AGTR1: variants seen among roughly 807,000 people sequenced by gnomAD.
AGTR1 encodes the protein type-1 angiotensin II receptor.
AGTR1 carries 16 observed loss-of-function variants against 19.4 expected under a neutral mutation model. The observed-to-expected ratio is 0.82, with a 90% confidence interval of 0.56 to 1.25. The LOEUF (loss-of-function observed/expected upper bound fraction) is 1.25, where lower values mean the gene tolerates loss of function less well. Ranked by LOEUF, AGTR1 falls within the 50% of genes most tolerant of loss-of-function variation. AGTR1 has a pLI of 0.00. For missense variants in AGTR1, 373 were observed against 431.9 expected (o/e 0.86, Z 1.21); for synonymous variants, 153 against 154.9 (o/e 0.99, Z 0.09).
intron 2 of AGTR1, among the ~76,000 whole-genome samples, chr3:148,710,537 T>TA (rs1210155075): frequency 2.6e-5 from 4 of 152,188 alleles, no homozygotes; most frequent in African/African-American, 9.6e-5. Flanking sequence ...TTACCTTCTG[T>TA]AAAATTCTGT....
At chr3:148,717,756 C>A (rs1196720490) in intron 2 of AGTR1, among the ~76,000 whole-genome samples, 1 of 152,182 alleles carries the variant, frequency 6.6e-6, no homozygotes, top group Admixed American at 6.5e-5. Flanking sequence ...TGAAGAAAAA[C>A]TTAATTACTT....
chr3:148,730,456 T>G (rs1475577436), intron 2 of AGTR1: 3 of 365,278 alleles, frequency 8.2e-6, no homozygotes, highest in Non-Finnish European at 9.7e-6. Flanking sequence ...GACATCCTGC[T>G]GGGCACACTT....
intron 2 of AGTR1, among the ~76,000 whole-genome samples, chr3:148,721,821 T>C (rs1224218542): frequency 3.9e-5 from 6 of 152,046 alleles, no homozygotes. Context: ...CCAAACGTAT[T>C]AGAGAGAACA....
In AGTR1 at chr3:148,698,052, GC is replaced by G. The variant is rs1712069489; in HGVS notation, c.-205del. On this transcript the variant is annotated 5_prime_UTR_variant, in exon 1 of 3. Transcript: ENST00000349243. ...GCGAGTGAGGGCGCACAGCCGGGACGCCGAGGCGGCGGGCGGGAGACCCGCA... is the reference window on the plus strand; with the variant it reads ...GCGAGTGAGGGCGCACAGCCGGGACGCGAGGCGGCGGGCGGGAGACCCGCA... The G allele has an allele frequency of 6.6e-6, 1 of 152,154 alleles. No homozygotes were observed. The highest frequency in any genetic ancestry group is 2.4e-5 in the African/African-American group (1 of 41,454). 9.4% of individuals were successfully genotyped at this position (152,154 alleles called of 1,614,324 possible). A position where few individuals can be genotyped will look rare whatever the true frequency, so the allele number is the denominator to read the frequency against.
intron 2 of AGTR1, among the ~76,000 whole-genome samples, chr3:148,740,203 T>A (rs918915120): frequency 6.6e-6 from 1 of 152,208 alleles, no homozygotes; most frequent in African/African-American, 2.4e-5. Context: ...TTCTTGATAA[T>A]CCTAGCCAAA....
At chr3:148,715,550 A>G (rs1342181029) in intron 2 of AGTR1, among the ~76,000 whole-genome samples, 1 of 152,176 alleles carries the variant, frequency 6.6e-6, no homozygotes, top group Non-Finnish European at 1.5e-5. Context: ...AATCATGAGT[A>G]GAATGAGAAA....
chr3:148,734,655 A>G (rs1714467740), intron 2 of AGTR1, among the ~76,000 whole-genome samples: 1 of 152,216 alleles, frequency 6.6e-6, no homozygotes, highest in African/African-American at 2.4e-5. Flanking sequence ...AATCATCTCC[A>G]AAGAAATCAT....
chr3:148,735,282 C>T (rs1186107559), intron 2 of AGTR1, among the ~76,000 whole-genome samples: 5 of 152,050 alleles, frequency 3.3e-5, no homozygotes, highest in African/African-American at 1.2e-4. Context: ...ATAGTATCTG[C>T]AAATATATAT....
intron 2 of AGTR1, among the ~76,000 whole-genome samples, chr3:148,713,358 G>A (rs1326113355): frequency 1.3e-5 from 2 of 151,882 alleles, no homozygotes; most frequent in East Asian, 3.9e-4. Flanking sequence ...CCAAGAGAAA[G>A]TAATTCTGCA....
At chr3:148,719,278 T>G (rs982018051) in intron 2 of AGTR1, among the ~76,000 whole-genome samples, 4 of 143,850 alleles carry the variant, frequency 2.8e-5, no homozygotes, top group African/African-American at 1.1e-4. Flanking sequence ...ATGATAAAAT[T>G]CACATATTTC....
intron 1 of AGTR1, among the ~76,000 whole-genome samples, chr3:148,703,092 G>A (rs1712449397): frequency 6.6e-6 from 1 of 152,132 alleles, no homozygotes; most frequent in Non-Finnish European, 1.5e-5. Context: ...TGGTTCTTAA[G>A]ATGACAGAGG....
chr3:148,713,273 T>C (rs1475468844), intron 2 of AGTR1, among the ~76,000 whole-genome samples: 3 of 151,990 alleles, frequency 2.0e-5, no homozygotes, highest in Admixed American at 2.0e-4. Flanking sequence ...TCTTTTTTGG[T>C]TTCTATGGTA....
chr3:148,721,534 A>G (rs1220757774), intron 2 of AGTR1, among the ~76,000 whole-genome samples: 1 of 152,226 alleles, frequency 6.6e-6, no homozygotes, highest in Non-Finnish European at 1.5e-5. Flanking sequence ...GAGAGTGGAC[A>G]TCAGATAACA....
chr3:148,737,514 C>T (rs1714635134), intron 2 of AGTR1, among the ~76,000 whole-genome samples: 1 of 152,176 alleles, frequency 6.6e-6, no homozygotes, highest in South Asian at 2.1e-4. Flanking sequence ...GCCTTTAAGG[C>T]TCCTGTCCCC....
intron 2 of AGTR1, among the ~76,000 whole-genome samples, chr3:148,723,841 A>G (rs1301828036): frequency 3.0e-4 from 46 of 152,168 alleles, no homozygotes; most frequent in Admixed American, 2.9e-3. Context: ...GTGGAATGGA[A>G]GGGGGAATGT....
intron 1 of AGTR1, among the ~76,000 whole-genome samples, chr3:148,701,128 G>T (rs12721286): frequency 0.029 from 4,385 of 152,060 alleles, 216 homozygotes; most frequent in African/African-American, 0.1. Flanking sequence ...AACTAAATTG[G>T]CAAGTGACTA....
At chr3:148,701,735 A>ATTT (rs1306622889) in intron 1 of AGTR1, among the ~76,000 whole-genome samples, 2 of 152,114 alleles carry the variant, frequency 1.3e-5, no homozygotes, top group Non-Finnish European at 1.5e-5. Flanking sequence ...GTTTCCTATT[A>ATTT]TTACAATGTG....
chr3:148,705,817 T>C (rs36095888), intron 1 of AGTR1, among the ~76,000 whole-genome samples: 3 of 152,046 alleles, frequency 2.0e-5, no homozygotes, highest in Admixed American at 6.5e-5. Context: ...TGTGATCCCA[T>C]GTATGTGTAT....
At chr3:148,711,408 A>G (rs1413247452) in intron 2 of AGTR1, among the ~76,000 whole-genome samples, 2 of 152,218 alleles carry the variant, frequency 1.3e-5, no homozygotes, top group African/African-American at 4.8e-5. Context: ...TATCCAGCTG[A>G]TATTTCCTTT....
Sources: allele counts gnomAD v4.1 joint callset (sites outside exome capture counted in the v4.1 genomes callset), GRCh38; gene constraint gnomAD v4.1.1; transcripts MANE v1.5; gene names NCBI Gene and HGNC (gene_info 2026-07-23, HGNC 2026-07-21).